CCSER1: variants seen among roughly 807,000 people sequenced by gnomAD.
CCSER1 encodes coiled-coil serine rich protein 1, also known as serine-rich coiled-coil domain-containing protein 1.
In CCSER1, 41 loss-of-function variants were observed where a neutral mutation model predicts 82.0. The observed-to-expected ratio is 0.50, with a 90% CI of 0.39 to 0.65. CCSER1 has a LOEUF of 0.65. Ranked by LOEUF, CCSER1 falls within the 30% of genes least tolerant of loss-of-function variation. The pLI is 0.00. For missense variants in CCSER1, 1,119 were observed against 1,064.2 expected (o/e 1.05, Z -0.72); for synonymous variants, 414 against 383.9 (o/e 1.08, Z -0.92).
chr4:90,714,897 C>T (rs967965703), intron 6 of CCSER1, among the ~76,000 whole-genome samples: 13 of 151,960 alleles, frequency 8.6e-5, no homozygotes, highest in Middle Eastern at 3.4e-3. Context: ...GTTGTATTTT[C>T]TATAGTAGAT....
At chr4:91,466,540 A>G (rs1316960071) in intron 10 of CCSER1, among the ~76,000 whole-genome samples, 1 of 152,174 alleles carries the variant, frequency 6.6e-6, no homozygotes, top group Non-Finnish European at 1.5e-5. Context: ...TAGGTATTCA[A>G]CTAGGAAAAG....
intron 1 of CCSER1, among the ~76,000 whole-genome samples, chr4:90,192,834 T>C (rs1392695612): frequency 2.6e-5 from 4 of 152,054 alleles, no homozygotes; most frequent in African/African-American, 7.2e-5. Context: ...GTAGGAACAA[T>C]TTAATAAAGT....
chr4:90,920,045 C>G (rs1055811376), intron 8 of CCSER1, among the ~76,000 whole-genome samples: 1 of 151,838 alleles, frequency 6.6e-6, no homozygotes, highest in African/African-American at 2.4e-5. Flanking sequence ...TAATTCTTCA[C>G]TATCCTTCTG....
At chr4:90,143,527 C>CACACACACACACACACACACACACA (rs1560682323) in intron 1 of CCSER1, among the ~76,000 whole-genome samples, 1 of 149,830 alleles carries the variant, frequency 6.7e-6, no homozygotes, top group Non-Finnish European at 1.5e-5. Context: ...CACACACACA[C>CACACACACACACACACACACACACA]CAGGTATTAA....
rs571994640 is a variant in CCSER1, at chr4:90,442,103, G to A, written c.1604-26131G>A. The stretch of plus-strand genomic sequence containing the variant: ...AACAGCAGTTTTTTTTTAGTAACAA[G>A]GCAGATTTCCACCAAAGGGGAGTCT... On this transcript the variant is annotated intron_variant, in intron 4 of 10. Coordinates refer to ENST00000509176, the MANE Select transcript of CCSER1 (RefSeq NM_001145065.2). 5.9e-5 allele frequency among the ~76,000 whole-genome samples: 9 copies of A among 152,126 alleles called. No homozygotes were observed. The South Asian group carries it at 1.7e-3, about 28-fold the overall frequency.
At chr4:91,390,919 A>T (rs939744087) in intron 10 of CCSER1, among the ~76,000 whole-genome samples, 18 of 151,958 alleles carry the variant, frequency 1.2e-4, no homozygotes, top group African/African-American at 3.9e-4. Flanking sequence ...CTGTAGTTAT[A>T]TCTCCTATCT....
intron 5 of CCSER1, among the ~76,000 whole-genome samples, chr4:90,551,577 C>T (rs72885093): frequency 0.024 from 3,616 of 151,526 alleles, 156 homozygotes; most frequent in African/African-American, 0.083. Flanking sequence ...TGAATAGCCC[C>T]CAAATACAAT....
intron 10 of CCSER1, among the ~76,000 whole-genome samples, chr4:91,190,302 C>T (rs1734893095): frequency 6.6e-6 from 1 of 152,102 alleles, no homozygotes; most frequent in Admixed American, 6.6e-5. Context: ...TTTAGTTACC[C>T]CAGAGAATCT....
At chr4:91,171,617 G>A (rs999037673) in intron 10 of CCSER1, among the ~76,000 whole-genome samples, 1 of 151,796 alleles carries the variant, frequency 6.6e-6, no homozygotes, top group Non-Finnish European at 1.5e-5. Context: ...AGTACCCCAG[G>A]CCTCACATAA....
intron 9 of CCSER1, among the ~76,000 whole-genome samples, chr4:90,995,892 A>G (rs1194162636): frequency 6.6e-6 from 1 of 152,084 alleles, no homozygotes; most frequent in Non-Finnish European, 1.5e-5. Context: ...TTTTTAAATG[A>G]TAATTTGATT....
intron 9 of CCSER1, among the ~76,000 whole-genome samples, chr4:90,988,334 C>CAAAAAAA (rs60408059): frequency 2.7e-4 from 20 of 75,374 alleles, no homozygotes; most frequent in African/African-American, 4.7e-4. Flanking sequence ...TATCTTGTCT[C>CAAAAAAA]AAAAAAAAAA....
chr4:91,511,130 A>G (rs925899350), intron 10 of CCSER1, among the ~76,000 whole-genome samples: 9 of 151,898 alleles, frequency 5.9e-5, no homozygotes, highest in Non-Finnish European at 1.2e-4. Flanking sequence ...GTTGAAGCGC[A>G]GTTGGTATGT....
At chr4:90,732,042 T>G (rs1242711468) in intron 7 of CCSER1, among the ~76,000 whole-genome samples, 1 of 150,410 alleles carries the variant, frequency 6.6e-6, no homozygotes, top group African/African-American at 2.4e-5. Context: ...TCTCTCTCTC[T>G]CTCTCTCTCT....
chr4:91,465,699 C>G (rs996861140), intron 10 of CCSER1, among the ~76,000 whole-genome samples: 7 of 152,106 alleles, frequency 4.6e-5, no homozygotes, highest in Non-Finnish European at 8.8e-5. Context: ...GAAATACAAA[C>G]TACCATCAGA....
intron 1 of CCSER1, among the ~76,000 whole-genome samples, chr4:90,303,878 G>T (rs1241503934): frequency 6.6e-6 from 1 of 150,902 alleles, no homozygotes; most frequent in Non-Finnish European, 1.5e-5. Context: ...TACAAAATGG[G>T]AGAAAATTTT....
At chr4:90,995,628 A>G (rs1737423652) in intron 9 of CCSER1, among the ~76,000 whole-genome samples, 1 of 152,170 alleles carries the variant, frequency 6.6e-6, no homozygotes, top group South Asian at 2.1e-4. Flanking sequence ...AGTTATTATT[A>G]CAAAATTTTT....
chr4:91,500,196 G>C (rs780439073), intron 10 of CCSER1, among the ~76,000 whole-genome samples: 3 of 151,866 alleles, frequency 2.0e-5, no homozygotes, highest in Non-Finnish European at 2.9e-5. Flanking sequence ...TCTCATTGTT[G>C]TTTCAATTTG....
At chr4:90,739,172 G>A (rs62312978) in intron 7 of CCSER1, among the ~76,000 whole-genome samples, 40,014 of 152,124 alleles carry the variant, frequency 0.26, 5,927 homozygotes, top group East Asian at 0.34. Context: ...GGGCTGTTTA[G>A]TCAGCAGGTT....
At chr4:90,575,309 G>A (rs529623664) in intron 5 of CCSER1, among the ~76,000 whole-genome samples, 2 of 152,260 alleles carry the variant, frequency 1.3e-5, no homozygotes, top group African/African-American at 4.8e-5. Flanking sequence ...TTCCATAGTG[G>A]AAGGTGGAAA....
Sources: allele counts gnomAD v4.1 joint callset (sites outside exome capture counted in the v4.1 genomes callset), GRCh38; gene constraint gnomAD v4.1.1; transcripts MANE v1.5; gene names NCBI Gene and HGNC (gene_info 2026-07-23, HGNC 2026-07-21).